Variants in GCNT2 observed in about 807,000 individuals in gnomAD.
The protein encoded by GCNT2 is N-acetyllactosaminide beta-1,6-N-acetylglucosaminyl-transferase.
Under a neutral mutation model 34.2 loss-of-function variants are expected in GCNT2, and 34 were observed. That is an observed-to-expected ratio of 1.00 (90% CI 0.76 to 1.32). GCNT2 has a LOEUF of 1.32. GCNT2 is among the 40% of genes most tolerant of loss of function. The pLI is 0.00. For missense variants in GCNT2, 584 were observed against 489.4 expected, an observed-to-expected ratio of 1.19 and a Z score of -1.82; for synonymous variants, 212 against 188.0, an observed-to-expected ratio of 1.13 and a Z score of -1.04.
chr6:10,527,159 C>T (rs898492014), intron 1 of GCNT2, among the ~76,000 whole-genome samples: 6 of 152,206 alleles, frequency 3.9e-5, no homozygotes, highest in East Asian at 1.9e-4. Context: ...TGCGGTGGCT[C>T]GCGCCTGTAA....
rs958722438 is a variant in GCNT2 at position 10,529,382 on chromosome 6, G to A, written c.471G>A (p.Glu157=). The A allele has an allele frequency of 1.9e-6, 3 of 1,613,996 alleles. No individual in the cohort carries two copies. In the African/African-American group the frequency reaches 4.0e-5, roughly 22 times the overall value. ...ATGCTTTTCTGGCTTCCAAGAAGGA[G>A]TCGGTTGTCTATGGGGGGATCTCCA... ...FPNAFLASKK[E]SVVYGGISRL... Residue 157 remains glutamate (E), a synonymous_variant, in exon 3 of 5, where the codon GAG becomes GAA. Coordinates refer to ENST00000495262, the MANE Select transcript of GCNT2 (RefSeq NM_145649.5).
At position 10,627,829 on chromosome 6, in the gene GCNT2, A is replaced by C. The variant is rs1404587971; in HGVS notation, c.*1222A>C. 1.3e-5 allele frequency: 2 copies of C among 152,334 alleles called. No individual in the cohort carries two copies. The highest frequency in any genetic ancestry group is 2.9e-5 in the Non-Finnish European group (2 of 68,024). The allele number at this position is 152,334 out of a possible 1,614,324, so 9.4% of individuals were successfully genotyped here. The stretch of plus-strand genomic sequence containing the variant: ...AGCATGATACCAGGCCCAGGAGATC[A>C]GTAATTACAAATTAAGGGTTAAATC... On this transcript the variant is annotated 3_prime_UTR_variant, in exon 5 of 5. Transcript: ENST00000495262.
In GCNT2 at chr6:10,529,246, G is replaced by C; in HGVS notation, c.335G>C (p.Arg112Thr). 6.2e-7 allele frequency: 1 copy of C among 1,614,158 alleles called. No individual in the cohort carries two copies. The highest frequency in any genetic ancestry group is 8.5e-7 in the Non-Finnish European group (1 of 1,180,020). Reference protein sequence around the residue: ...TIHKDFGTFERLFRAIYMPQN... With the variant: ...TIHKDFGTFETLFRAIYMPQN... The stretch of plus-strand genomic sequence containing the variant: ...CACAAAGACTTCGGCACTTTTGAGA[G>C]GCTCTTCAGGGCGATTTATATGCCC... The change falls in exon 3 of 5, where the codon AGG becomes ACG. Residue 112 changes from arginine (R) to threonine (T), a missense_variant. By Grantham distance (71) the Arg-to-Thr change is moderately conservative. Transcript: ENST00000495262.
intron 3 of GCNT2, among the ~76,000 whole-genome samples, chr6:10,591,775 AG>A (rs1764655688): frequency 6.6e-6 from 1 of 152,206 alleles, no homozygotes; most frequent in Non-Finnish European, 1.5e-5. Flanking sequence ...AAAAAAACCA[AG>A]ACTATAAGAA....
In GCNT2 at chr6:10,528,996, T is replaced by A; in HGVS notation, c.85T>A (p.Trp29Arg). ...TGTATTTGTTTACAATACTGAGTTATGGGAGAATAAACGTTTTCTGAGGGC... is the reference window on the plus strand; with the variant it reads ...TGTATTTGTTTACAATACTGAGTTAAGGGAGAATAAACGTTTTCTGAGGGC... ...IFVFVYNTELWENKRFLRAAL... is the reference protein window; with the variant it reads ...IFVFVYNTELRENKRFLRAAL... Residue 29 changes from tryptophan (W) to arginine (R), a missense_variant, in exon 3 of 5, where the codon TGG (tryptophan) becomes AGG (arginine). By Grantham distance (101) the Trp-to-Arg change is moderately radical. Transcript: ENST00000495262. 6.2e-7 allele frequency: 1 copy of A among 1,613,994 alleles called. No homozygotes were observed. The highest frequency in any genetic ancestry group is 8.5e-7 in the Non-Finnish European group (1 of 1,179,822).
At chr6:10,554,607 A>G (rs986948756) in intron 3 of GCNT2, among the ~76,000 whole-genome samples, 1 of 152,214 alleles carries the variant, frequency 6.6e-6, no homozygotes, top group African/African-American at 2.4e-5. Flanking sequence ...AAGATACTGA[A>G]TTACTCTCTT....
chr6:10,617,355 C>T (rs973644181), intron 3 of GCNT2, among the ~76,000 whole-genome samples: 2 of 152,204 alleles, frequency 1.3e-5, no homozygotes, highest in African/African-American at 2.4e-5. Flanking sequence ...TCACGCTGGC[C>T]GGCAAGCGCT....
chr6:10,563,386 C>G (rs916872006), intron 3 of GCNT2, among the ~76,000 whole-genome samples: 1 of 152,074 alleles, frequency 6.6e-6, no homozygotes, highest in African/African-American at 2.4e-5. Context: ...TCCTTTAATT[C>G]TTATAAAACC....
chr6:10,621,504 G>A (rs934017866), intron 4 of GCNT2, 61 bp downstream of exon 4: 1 of 1,041,050 alleles, frequency 9.6e-7, no homozygotes, highest in African/African-American at 1.6e-5. Flanking sequence ...GAAGGTAGCT[G>A]TGGAATCCAG....
At chr6:10,558,600 G>A (rs1762830505) in intron 3 of GCNT2, among the ~76,000 whole-genome samples, 2 of 152,176 alleles carry the variant, frequency 1.3e-5, no homozygotes, top group African/African-American at 2.4e-5. Flanking sequence ...AATACAAAAT[G>A]GATCTCTGAT....
intron 3 of GCNT2, among the ~76,000 whole-genome samples, chr6:10,617,632 A>C (rs1303381740): frequency 6.6e-6 from 1 of 151,480 alleles, no homozygotes; most frequent in African/African-American, 2.4e-5. Context: ...GCCTTATTTT[A>C]CCCAGCTCCT....
At chr6:10,567,759 G>A (rs1270616049) in intron 3 of GCNT2, among the ~76,000 whole-genome samples, 6 of 152,180 alleles carry the variant, frequency 3.9e-5, no homozygotes, top group African/African-American at 1.4e-4. Flanking sequence ...ACTGAGAAAG[G>A]CAGATAGGGT....
At chr6:10,557,156 A>G (rs762604882) in intron 3 of GCNT2, 3 of 1,549,626 alleles carry the variant, frequency 1.9e-6, no homozygotes, top group Non-Finnish European at 2.6e-6. Context: ...TGTGATAAGA[A>G]CAACAGCGTT....
chr6:10,607,564 T>C (rs1765376973), intron 3 of GCNT2, among the ~76,000 whole-genome samples: 1 of 152,070 alleles, frequency 6.6e-6, no homozygotes, highest in Non-Finnish European at 1.5e-5. Flanking sequence ...ATCCAGACCA[T>C]TTCACCTCAC....
At chr6:10,566,361 C>A (rs535430) in intron 3 of GCNT2, among the ~76,000 whole-genome samples, 2,195 of 152,142 alleles carry the variant, frequency 0.014, 52 homozygotes, top group African/African-American at 0.048. Flanking sequence ...GCAGTGATAC[C>A]ATCATGGCTC....
intron 3 of GCNT2, among the ~76,000 whole-genome samples, chr6:10,547,892 C>A (rs1762334473): frequency 6.6e-6 from 1 of 152,164 alleles, no homozygotes; most frequent in East Asian, 1.9e-4. Flanking sequence ...ATCCATTATT[C>A]TTTTTACTTA....
At chr6:10,617,279 C>CCCGGGCGGCGGGG (rs1344325192) in intron 3 of GCNT2, among the ~76,000 whole-genome samples, 1 of 152,204 alleles carries the variant, frequency 6.6e-6, no homozygotes, top group Admixed American at 6.5e-5. Flanking sequence ...CCCTCACTGC[C>CCCGGGCGGCGGGG]CCGGGCGGCG....
intron 3 of GCNT2, among the ~76,000 whole-genome samples, chr6:10,543,656 G>A (rs1301522863): frequency 6.6e-6 from 1 of 152,088 alleles, no homozygotes; most frequent in Non-Finnish European, 1.5e-5. Context: ...GTGTGAAGTG[G>A]TATCCTCTTA....
intron 3 of GCNT2, among the ~76,000 whole-genome samples, chr6:10,610,612 A>G (rs746032782): frequency 9.8e-5 from 15 of 152,312 alleles, no homozygotes; most frequent in Non-Finnish European, 1.3e-4. Flanking sequence ...CTGCTACTGA[A>G]GATATTAATA....
Sources: gnomAD v4.1 joint callset for allele counts (sites outside exome capture counted in the v4.1 genomes callset) on GRCh38, gnomAD v4.1.1 for gene constraint, MANE v1.5 for transcripts, NCBI Gene and HGNC (gene_info 2026-07-23, HGNC 2026-07-21) for gene names.